Variants in SORCS1 observed in about 807,000 individuals in gnomAD.
The protein encoded by SORCS1 is VPS10 domain-containing receptor SorCS1.
A neutral mutation model predicts 146.1 loss-of-function variants in SORCS1; 60 were observed. The ratio of observed to expected loss-of-function variants is 0.41; its 90% CI spans 0.33 to 0.51. The LOEUF (loss-of-function observed/expected upper bound fraction) is 0.51, where lower values mean the gene tolerates loss of function less well. SORCS1 is among the 20% of genes least tolerant of loss of function. The probability of loss-of-function intolerance (pLI) is 0.21; values close to 1 mark genes in which losing one functional copy is unlikely to be tolerated. For synonymous variants in SORCS1, 637 were observed against 584.0 expected (o/e 1.09, Z -1.31); for missense variants, 1,352 against 1,487.6 (o/e 0.91, Z 1.50).
chr10:107,121,786 A>C (rs1966429160), intron 1 of SORCS1, among the ~76,000 whole-genome samples: 1 of 152,228 alleles, frequency 6.6e-6, no homozygotes, highest in African/African-American at 2.4e-5. Flanking sequence ...CATAACAAAT[A>C]TAAAATGTCT....
chr10:107,098,287 C>G (rs1001747682), intron 1 of SORCS1, among the ~76,000 whole-genome samples: 1 of 152,176 alleles, frequency 6.6e-6, no homozygotes, highest in Non-Finnish European at 1.5e-5. Flanking sequence ...GCTCCTGAGT[C>G]TCACACCTGT....
chr10:106,609,043 G>A (rs1447052421), intron 22 of SORCS1, among the ~76,000 whole-genome samples: 2 of 152,164 alleles, frequency 1.3e-5, no homozygotes, highest in Non-Finnish European at 2.9e-5. Flanking sequence ...ACAGAGATCT[G>A]GGTGGTGCAT....
chr10:106,611,721 T>C (rs1337294623), intron 22 of SORCS1, among the ~76,000 whole-genome samples, 190 bp downstream of exon 22: 1 of 152,218 alleles, frequency 6.6e-6, no homozygotes, highest in Non-Finnish European at 1.5e-5. Context: ...GCATCCCCTT[T>C]AGGGCCTTTG....
chr10:107,079,511 T>C (rs1279831210), intron 1 of SORCS1, among the ~76,000 whole-genome samples: 6 of 152,202 alleles, frequency 3.9e-5, no homozygotes, highest in Non-Finnish European at 8.8e-5. Context: ...CAGTCACCAC[T>C]TGCTCTAGGA....
intron 2 of SORCS1, among the ~76,000 whole-genome samples, chr10:106,839,335 G>C (rs1464003085): frequency 6.6e-6 from 1 of 152,152 alleles, no homozygotes; most frequent in East Asian, 1.9e-4. Flanking sequence ...TGCTGATATG[G>C]AGAAAGTTTT....
At chr10:106,600,379 A>G in intron 23 of SORCS1, 1 of 977,448 alleles carries the variant, frequency 1.0e-6, no homozygotes, top group Non-Finnish European at 1.2e-6. Flanking sequence ...ACATTCAACA[A>G]TGAACACATG....
chr10:106,911,538 G>A lies in SORCS1; in HGVS notation c.626+44975C>T, dbSNP rs549352655. Among the ~76,000 whole-genome samples, 51 of 151,956 alleles carry A rather than the reference G, an allele frequency of 3.4e-4. 1 individual carries two copies. Among genetic ancestry groups the A allele is most frequent in the Middle Eastern group, 3.4e-3 (1 of 294 alleles). Reference sequence around the variant, plus strand: ...ATCAGTACCAGAGAACCAGGATCACGAACTCAGTATTGGGCAGCGTAGTCC... The same window carrying A: ...ATCAGTACCAGAGAACCAGGATCACAAACTCAGTATTGGGCAGCGTAGTCC... On this transcript the variant is annotated intron_variant, in intron 2 of 25. Coordinates refer to ENST00000263054, the MANE Select transcript of SORCS1 (RefSeq NM_052918.5).
intron 2 of SORCS1, among the ~76,000 whole-genome samples, chr10:106,948,503 T>A (rs533846513): frequency 6.6e-6 from 1 of 152,058 alleles, no homozygotes; most frequent in South Asian, 2.1e-4. Flanking sequence ...TGAGGCCCCA[T>A]CTCTACAAAA....
At chr10:106,776,953 T>C (rs980196074) in intron 3 of SORCS1, among the ~76,000 whole-genome samples, 2 of 152,178 alleles carry the variant, frequency 1.3e-5, no homozygotes, top group African/African-American at 2.4e-5. Flanking sequence ...TCTTCTCTTT[T>C]AGGGGACTCT....
chr10:107,032,629 G>C (rs1958712999), intron 1 of SORCS1, among the ~76,000 whole-genome samples: 1 of 152,144 alleles, frequency 6.6e-6, no homozygotes, highest in African/African-American at 2.4e-5. Flanking sequence ...ACCTCCCCTT[G>C]TTGCCCTATG....
chr10:106,603,855 C>T (rs1846400473), intron 23 of SORCS1, among the ~76,000 whole-genome samples: 1 of 152,206 alleles, frequency 6.6e-6, no homozygotes, highest in Non-Finnish European at 1.5e-5. Flanking sequence ...TTTGAGGAAT[C>T]CATGTCCTTG....
chr10:107,149,381 A>T, intron 1 of SORCS1, among the ~76,000 whole-genome samples: 1 of 152,174 alleles, frequency 6.6e-6, no homozygotes, highest in East Asian at 1.9e-4. Context: ...TGCTGTAAAA[A>T]AAAATCGCGC....
At chr10:106,675,234 C>T in intron 13 of SORCS1, 78 bp from the exon 14 acceptor site, 1 of 1,041,884 alleles carries the variant, frequency 9.6e-7, no homozygotes, top group South Asian at 1.5e-5. Flanking sequence ...ATACTCTCAA[C>T]CCAGAGATAA....
chr10:106,912,112 C>CAAA lies in SORCS1; in HGVS notation c.626+44398_626+44400dup, dbSNP rs369514401. On this transcript the variant is annotated intron_variant, in intron 2 of 25. Coordinates refer to ENST00000263054, the MANE Select transcript of SORCS1 (RefSeq NM_052918.5). ...TGAGCGACAGATTGAGCCTCCGTCT[C>CAAA]AAAAAAAAAAAACAAACAAACAAAC... 1.5e-4 allele frequency among the ~76,000 whole-genome samples: 19 copies of CAAA among 124,834 alleles called. No homozygotes were observed. The South Asian group carries it at 2.8e-3, about 19-fold the overall frequency. The allele number at this position is 124,834 out of a possible 152,430, so 81.9% of individuals were successfully genotyped here. A position where few individuals can be genotyped will look rare whatever the true frequency, so the allele number is the denominator to read the frequency against.
chr10:106,981,632 CAAAAG>C (rs1956248754), intron 1 of SORCS1, among the ~76,000 whole-genome samples: 1 of 152,252 alleles, frequency 6.6e-6, no homozygotes, highest in East Asian at 1.9e-4. Flanking sequence ...TCAGAGGACT[CAAAAG>C]AATAACTGCA....
chr10:107,167,299 G>A (rs556916705), upstream of SORCS1, among the ~76,000 whole-genome samples: 1 of 152,270 alleles, frequency 6.6e-6, no homozygotes, highest in East Asian at 1.9e-4. Flanking sequence ...GGCTAATCAT[G>A]GAGGGGAGTC....
chr10:106,635,320 C>T (rs11192985), intron 18 of SORCS1, among the ~76,000 whole-genome samples: 34,401 of 152,068 alleles, frequency 0.23, 4,789 homozygotes, highest in East Asian at 0.51. Flanking sequence ...TGACAGTGGC[C>T]CTCACTCAAG....
chr10:106,666,705 C>T (rs1851182852), intron 17 of SORCS1, among the ~76,000 whole-genome samples: 1 of 151,750 alleles, frequency 6.6e-6, no homozygotes, highest in Admixed American at 6.6e-5. Context: ...TACAGGCGCA[C>T]ACCACCATGT....
At chr10:106,656,402 T>A (rs1850290416) in intron 17 of SORCS1, among the ~76,000 whole-genome samples, 1 of 152,162 alleles carries the variant, frequency 6.6e-6, no homozygotes, top group African/African-American at 2.4e-5. Context: ...TACAAAAAAA[T>A]TAGCCGGGCT....
Sources: allele counts gnomAD v4.1 joint callset (sites outside exome capture counted in the v4.1 genomes callset), GRCh38; gene constraint gnomAD v4.1.1; transcripts MANE v1.5; gene names NCBI Gene and HGNC (gene_info 2026-07-23, HGNC 2026-07-21).